CHSY3: variants seen among roughly 807,000 people sequenced by gnomAD.
CHSY3 encodes chondroitin sulfate synthase 3.
CHSY3 carries 35 observed loss-of-function variants against 67.2 expected under a neutral mutation model. That is an observed-to-expected ratio of 0.52 (90% confidence interval 0.40 to 0.69). The LOEUF (loss-of-function observed/expected upper bound fraction) is 0.69, where lower values mean the gene tolerates loss of function less well. Among genes scored for constraint, CHSY3 ranks in the 30% least tolerant of loss-of-function variants. CHSY3 has a pLI of 0.00. For synonymous variants in CHSY3, 474 were observed against 434.7 expected (o/e 1.09, Z -1.12); for missense variants, 1,069 against 1,138.5 (o/e 0.94, Z 0.88).
intron 2 of CHSY3, among the ~76,000 whole-genome samples, chr5:130,092,094 T>C (rs1469796922): frequency 1.3e-5 from 2 of 152,142 alleles, no homozygotes; most frequent in Non-Finnish European, 2.9e-5. Context: ...AGGCCCACAG[T>C]GTTTACTCAT....
chr5:130,082,934 G>T (rs1003523602), intron 2 of CHSY3, among the ~76,000 whole-genome samples: 1 of 151,440 alleles, frequency 6.6e-6, no homozygotes, highest in African/African-American at 2.4e-5. Flanking sequence ...GTTGATAGCT[G>T]CAGCCAACAA....
intron 2 of CHSY3, among the ~76,000 whole-genome samples, chr5:129,990,377 A>AGTGTGTGTGTGTGTGT (rs34958818): frequency 6.8e-6 from 1 of 147,476 alleles, no homozygotes; most frequent in Admixed American, 6.8e-5. Context: ...TGAGTGAGTG[A>AGTGTGTGTGTGTGTGT]GTGTGTGTGT....
At chr5:130,090,708 G>C (rs2149692566) in intron 2 of CHSY3, among the ~76,000 whole-genome samples, 1 of 152,118 alleles carries the variant, frequency 6.6e-6, no homozygotes, top group Non-Finnish European at 1.5e-5. Context: ...TATTTACTCA[G>C]GATACACACA....
At chr5:130,050,150 C>T (rs1428335793) in intron 2 of CHSY3, among the ~76,000 whole-genome samples, 1 of 152,098 alleles carries the variant, frequency 6.6e-6, no homozygotes, top group Non-Finnish European at 1.5e-5. Context: ...GAATACACAT[C>T]AAACTACAAC....
chr5:130,117,443 C>A (rs1767847401), intron 2 of CHSY3, among the ~76,000 whole-genome samples: 1 of 152,098 alleles, frequency 6.6e-6, no homozygotes, highest in South Asian at 2.1e-4. Flanking sequence ...AAATAAAAAC[C>A]AGTCTTCTGA....
At chr5:130,122,978 T>A (rs1235323664) in intron 2 of CHSY3, among the ~76,000 whole-genome samples, 1 of 152,132 alleles carries the variant, frequency 6.6e-6, no homozygotes, top group Non-Finnish European at 1.5e-5. Context: ...GTATTTCTCA[T>A]CTTTACATTT....
chr5:130,136,088 T>A (rs1768651161), intron 2 of CHSY3, among the ~76,000 whole-genome samples: 1 of 152,178 alleles, frequency 6.6e-6, no homozygotes, highest in Non-Finnish European at 1.5e-5. Flanking sequence ...ATAATTAAGG[T>A]GTACACTGGA....
At chr5:130,056,096 C>T (rs539402998) in intron 2 of CHSY3, among the ~76,000 whole-genome samples, 2 of 152,186 alleles carry the variant, frequency 1.3e-5, no homozygotes, top group South Asian at 2.1e-4. Context: ...GTGTGACATG[C>T]CTTGAAAACC....
intron 2 of CHSY3, among the ~76,000 whole-genome samples, chr5:130,012,855 T>G (rs1052749893): frequency 3.3e-5 from 5 of 151,712 alleles, no homozygotes; most frequent in African/African-American, 1.2e-4. Flanking sequence ...TTCCCAAAAG[T>G]CCCCCAAAAA....
chr5:130,168,474 C>T (rs970298978), intron 2 of CHSY3, among the ~76,000 whole-genome samples: 1 of 152,082 alleles, frequency 6.6e-6, no homozygotes, highest in Non-Finnish European at 1.5e-5. Context: ...TGAGTCACTA[C>T]TTAAATAAGA....
At chr5:130,125,412 G>T (rs912135298) in intron 2 of CHSY3, among the ~76,000 whole-genome samples, 1 of 99,114 alleles carries the variant, frequency 1.0e-5, no homozygotes, top group Non-Finnish European at 2.0e-5. Context: ...GTGAGATCCT[G>T]TCTCAGATAG....
intron 2 of CHSY3, among the ~76,000 whole-genome samples, chr5:130,048,977 A>G (rs931425392): frequency 2.6e-5 from 4 of 151,888 alleles, no homozygotes; most frequent in Non-Finnish European, 4.4e-5. Flanking sequence ...GTAAATTTCA[A>G]ATGTTGACAC....
At chr5:130,056,250 A>G (rs917181563) in intron 2 of CHSY3, among the ~76,000 whole-genome samples, 1 of 150,946 alleles carries the variant, frequency 6.6e-6, no homozygotes, top group Non-Finnish European at 1.5e-5. Context: ...GTTTTGGTTC[A>G]TCAGAAAGAG....
At chr5:130,082,033 G>A (rs542275194) in intron 2 of CHSY3, among the ~76,000 whole-genome samples, 5 of 152,034 alleles carry the variant, frequency 3.3e-5, no homozygotes, top group South Asian at 2.1e-4. Context: ...GACATTATGC[G>A]TTGAACATAA....
chr5:129,915,268 A>G (rs1484750682), intron 2 of CHSY3, among the ~76,000 whole-genome samples: 1 of 152,158 alleles, frequency 6.6e-6, no homozygotes, highest in African/African-American at 2.4e-5. Flanking sequence ...TTGAACCACA[A>G]AAAAGCCTAA....
At chr5:130,169,456 C>T (rs896256154) in intron 2 of CHSY3, among the ~76,000 whole-genome samples, 2 of 152,046 alleles carry the variant, frequency 1.3e-5, no homozygotes, top group African/African-American at 4.8e-5. Flanking sequence ...AAGATTACTA[C>T]AGAAGCATAA....
intron 2 of CHSY3, among the ~76,000 whole-genome samples, chr5:129,979,722 C>T (rs1365770219): frequency 6.6e-6 from 1 of 152,164 alleles, no homozygotes; most frequent in African/African-American, 2.4e-5. Flanking sequence ...TTACGGAGTA[C>T]ATTATAAATA....
chr5:130,140,625 G>A (rs922528278), intron 2 of CHSY3: 3 of 408,842 alleles, frequency 7.3e-6, no homozygotes, highest in Non-Finnish European at 8.7e-6. Context: ...CTGGGAGATG[G>A]CACTTTTGAT....
intron 2 of CHSY3, among the ~76,000 whole-genome samples, chr5:129,978,019 A>G (rs1407949040): frequency 1.3e-5 from 2 of 152,138 alleles, no homozygotes; most frequent in Non-Finnish European, 1.5e-5. Flanking sequence ...TTTCTTTCTC[A>G]GTTTCTGTTG....
Sources: allele counts gnomAD v4.1 joint callset (sites outside exome capture counted in the v4.1 genomes callset), GRCh38; gene constraint gnomAD v4.1.1; transcripts MANE v1.5; gene names NCBI Gene and HGNC (gene_info 2026-07-23, HGNC 2026-07-21).